The following ZDHHC15 variants were observed in gnomAD, a reference collection of about 807,000 sequenced individuals.
The protein encoded by ZDHHC15 is zDHHC palmitoyltransferase 15.
ZDHHC15 carries 19 observed loss-of-function variants against 31.7 expected under a neutral mutation model. That is an observed-to-expected ratio of 0.60 (90% CI 0.42 to 0.88). ZDHHC15 has a LOEUF of 0.88. Ranked by LOEUF, ZDHHC15 falls within the 40% of genes least tolerant of loss-of-function variation. ZDHHC15 has a pLI of 0.00. For synonymous variants in ZDHHC15, 103 were observed against 90.0 expected (o/e 1.14, Z -0.82); for missense variants, 209 against 251.2 (o/e 0.83, Z 1.14).
intron 4 of ZDHHC15, among the ~76,000 whole-genome samples, chrX:75,443,407 C>T (rs897519225): frequency 3.6e-5 from 4 of 111,745 alleles, no homozygotes; most frequent in African/African-American, 6.5e-5. Context: ...GGAAAACTGG[C>T]TAGCCATATG....
intron 10 of ZDHHC15, among the ~76,000 whole-genome samples, chrX:75,380,410 C>T (rs778551118): frequency 2.7e-5 from 3 of 111,737 alleles, no homozygotes; most frequent in African/African-American, 9.7e-5. Flanking sequence ...TGGTGATGAA[C>T]CTTTCCAAAA....
intron 1 of ZDHHC15, among the ~76,000 whole-genome samples, chrX:75,509,561 A>T (rs757505572): frequency 8.9e-6 from 1 of 112,019 alleles, no homozygotes; most frequent in East Asian, 2.8e-4. Context: ...AACGAATGAC[A>T]TGTTTGGGAA....
intron 10 of ZDHHC15, among the ~76,000 whole-genome samples, chrX:75,402,067 G>T (rs1228599039): frequency 1.8e-5 from 2 of 112,271 alleles, no homozygotes; most frequent in Non-Finnish European, 3.8e-5. Context: ...CATAAAAATA[G>T]AAGTAAACAC....
intron 10 of ZDHHC15, among the ~76,000 whole-genome samples, chrX:75,383,734 G>GTTTTTTTTTTTT (rs541238663): frequency 2.6e-5 from 2 of 77,793 alleles, no homozygotes; most frequent in African/African-American, 4.5e-5. Context: ...AGAAATGTTA[G>GTTTTTTTTTTTT]GTTTTTTTTT....
chrX:75,436,635 A>G (rs1346755134), intron 4 of ZDHHC15, among the ~76,000 whole-genome samples: 1 of 112,179 alleles, frequency 8.9e-6, no homozygotes, highest in Non-Finnish European at 1.9e-5. Flanking sequence ...CTATGTATTC[A>G]CATGGTTTTG....
At chrX:75,513,420 A>T (rs2085306901) in intron 1 of ZDHHC15, among the ~76,000 whole-genome samples, 1 of 111,927 alleles carries the variant, frequency 8.9e-6, no homozygotes, top group Non-Finnish European at 1.9e-5. Flanking sequence ...AGAACTCTGG[A>T]ATCTAGTAAA....
At chrX:75,409,823 AC>A (rs1467941350) in intron 10 of ZDHHC15, among the ~76,000 whole-genome samples, 14 of 100,935 alleles carry the variant, frequency 1.4e-4, no homozygotes, top group East Asian at 9.5e-4. Flanking sequence ...AAAAAAAACA[AC>A]AACAACAACA....
intron 10 of ZDHHC15, among the ~76,000 whole-genome samples, chrX:75,412,145 G>C (rs773116991): frequency 4.5e-4 from 50 of 111,872 alleles, no homozygotes; most frequent in Non-Finnish European, 7.5e-4. Context: ...TGAGGATATG[G>C]AGAAAGGGAA....
At chrX:75,388,676 C>T (rs1325754543) in intron 10 of ZDHHC15, among the ~76,000 whole-genome samples, 1 of 111,520 alleles carries the variant, frequency 9.0e-6, no homozygotes, top group Non-Finnish European at 1.9e-5. Context: ...AAGAGAGGAG[C>T]TGCAAAACAA....
intron 4 of ZDHHC15, among the ~76,000 whole-genome samples, chrX:75,447,572 A>G (rs140429507): frequency 4.5e-5 from 5 of 111,599 alleles, no homozygotes; most frequent in African/African-American, 1.6e-4. Context: ...GGCTGGGGCA[A>G]GATTTTCCCA....
Position 75,369,399 on chromosome X carries a change from C to T in ZDHHC15, c.*3579G>A, listed in dbSNP as rs975214040. 15 of 110,725 alleles carry T rather than the reference C, an allele frequency of 1.4e-4. No homozygotes were observed. Among genetic ancestry groups the T allele is most frequent in the African/African-American group, 4.3e-4 (13 of 30,392 alleles). The allele number at this position is 110,725 out of a possible 1,213,427, so 9.1% of individuals were successfully genotyped here. ...TGTGATGAGAGGTGAAAAGAATAGG[C>T]TTTCAATGACTGTTACATTCCTATG... On this transcript the variant is annotated 3_prime_UTR_variant, in exon 12 of 12. Coordinates refer to ENST00000373367, the MANE Select transcript of ZDHHC15 (RefSeq NM_144969.3).
intron 3 of ZDHHC15, among the ~76,000 whole-genome samples, chrX:75,477,089 T>C (rs1362798995): frequency 9.0e-6 from 1 of 111,673 alleles, no homozygotes; most frequent in African/African-American, 3.2e-5. Flanking sequence ...TTTTCATTCA[T>C]CTCAAAATAT....
intron 3 of ZDHHC15, among the ~76,000 whole-genome samples, chrX:75,476,985 T>G (rs1038439351): frequency 1.2e-4 from 13 of 111,272 alleles, no homozygotes; most frequent in Non-Finnish European, 7.5e-5. Flanking sequence ...ATTTTGAAAT[T>G]TTTATCCTTT....
intron 2 of ZDHHC15, 56 bp downstream of exon 2, chrX:75,505,765 T>G: frequency 8.4e-7 from 1 of 1,191,935 alleles, no homozygotes; most frequent in Non-Finnish European, 1.1e-6. Context: ...GTTATTTACT[T>G]TTAGATGAAA....
chrX:75,380,898 T>C (rs1404519202), intron 10 of ZDHHC15, among the ~76,000 whole-genome samples: 2 of 111,478 alleles, frequency 1.8e-5, no homozygotes, highest in Middle Eastern at 4.6e-3. Flanking sequence ...TTCTCCTAGA[T>C]CTCCTTTACT....
At chrX:75,472,507 G>A (rs1011075288) in intron 3 of ZDHHC15, among the ~76,000 whole-genome samples, 1 of 112,294 alleles carries the variant, frequency 8.9e-6, no homozygotes, top group Non-Finnish European at 1.9e-5. Flanking sequence ...GAAGAAGCAT[G>A]ATTGGAAAAT....
intron 11 of ZDHHC15, among the ~76,000 whole-genome samples, chrX:75,374,220 G>A (rs1028921894): frequency 2.8e-5 from 3 of 109,006 alleles, no homozygotes; most frequent in Admixed American, 9.9e-5. Context: ...ATCACACACC[G>A]GGGCCTGTCG....
intron 10 of ZDHHC15, among the ~76,000 whole-genome samples, chrX:75,415,676 T>C (rs867340236): frequency 1.8e-5 from 2 of 112,139 alleles, no homozygotes; most frequent in Non-Finnish European, 3.8e-5. Context: ...AACCTGAAAG[T>C]TGTGAGGGTC....
intron 3 of ZDHHC15, among the ~76,000 whole-genome samples, chrX:75,460,691 G>T (rs778906452): frequency 3.6e-5 from 4 of 110,517 alleles, no homozygotes; most frequent in Non-Finnish European, 5.7e-5. Context: ...GCAAACCACA[G>T]CAGCCCTATA....
Sources: gnomAD v4.1 joint callset for allele counts (sites outside exome capture counted in the v4.1 genomes callset) on GRCh38, gnomAD v4.1.1 for gene constraint, MANE v1.5 for transcripts, NCBI Gene and HGNC (gene_info 2026-07-23, HGNC 2026-07-21) for gene names.